Variants in SYT1 observed in about 807,000 individuals in gnomAD.
SYT1 encodes synaptotagmin-1.
A neutral mutation model predicts 44.8 loss-of-function variants in SYT1; 8 were observed. That is an observed-to-expected ratio of 0.18 (90% CI 0.10 to 0.32). SYT1 has a LOEUF of 0.32. SYT1 is among the 10% of genes least tolerant of loss of function. The probability of loss-of-function intolerance (pLI) is 1.00; values close to 1 mark genes in which losing one functional copy is unlikely to be tolerated. For missense variants in SYT1, 286 were observed against 509.3 expected (o/e 0.56, Z 4.22); for synonymous variants, 154 against 188.8 (o/e 0.82, Z 1.51).
chr12:79,023,509 A>G (rs1376570416), intron 2 of SYT1, among the ~76,000 whole-genome samples: 2 of 151,852 alleles, frequency 1.3e-5, no homozygotes, highest in African/African-American at 4.8e-5. Flanking sequence ...TGGGAGCTTC[A>G]TTGAGAGCAA....
intron 4 of SYT1, among the ~76,000 whole-genome samples, chr12:79,256,787 G>C (rs111765268): frequency 6.6e-6 from 1 of 152,120 alleles, no homozygotes; most frequent in Non-Finnish European, 1.5e-5. Flanking sequence ...ATTAATCCAT[G>C]TTTCTCATTT....
At chr12:79,195,498 A>G (rs1330154242) in intron 3 of SYT1, among the ~76,000 whole-genome samples, 1 of 128,210 alleles carries the variant, frequency 7.8e-6, no homozygotes, top group Non-Finnish European at 1.6e-5. Flanking sequence ...GAAAAAAGAG[A>G]GGTAACCCTG....
intron 1 of SYT1, among the ~76,000 whole-genome samples, chr12:78,902,800 G>C (rs986878938): frequency 6.6e-6 from 1 of 152,060 alleles, no homozygotes; most frequent in African/African-American, 2.4e-5. Flanking sequence ...ACTGTGTTTT[G>C]TTTGATCTTG....
In SYT1 at chr12:78,908,752, A is replaced by G. The variant is rs561913494; in HGVS notation, c.-217+43643A>G. Among the ~76,000 whole-genome samples the G allele has an allele frequency of 2.4e-4, 36 of 152,136 alleles. 1 individual carries two copies. In the South Asian group the frequency reaches 4.6e-3, roughly 19 times the overall value. ...GGAAATGAATAAAAAGAATTCATGG[A>G]AAGAGTCGGCAGAGTCCACTATTTT... On this transcript the variant is annotated intron_variant, in intron 1 of 10. Transcript: ENST00000261205.
chr12:79,340,564 T>G lies in SYT1; in HGVS notation c.811-12938T>G, dbSNP rs573132652. Among the ~76,000 whole-genome samples, 1,097 of 152,326 alleles carry G rather than the reference T, an allele frequency of 7.2e-3. 12 individuals are homozygous for G. The highest frequency in any genetic ancestry group is 0.012 in the Non-Finnish European group (809 of 68,020). ...GTTGCTTATCAGCTTAAGGAGATTT[T>G]GGGCTGAGACAATGGGGTTTTCTAA... On this transcript the variant is annotated intron_variant, in intron 8 of 10. Coordinates refer to ENST00000261205, the MANE Select transcript of SYT1 (RefSeq NM_005639.3).
chr12:79,147,284 A>G (rs1276904225), intron 3 of SYT1, among the ~76,000 whole-genome samples: 1 of 152,184 alleles, frequency 6.6e-6, no homozygotes, highest in East Asian at 1.9e-4. Context: ...TATAATATTT[A>G]TTCTTAGCTA....
chr12:79,338,793 T>C (rs570518718), intron 8 of SYT1, among the ~76,000 whole-genome samples: 1 of 151,994 alleles, frequency 6.6e-6, no homozygotes, highest in South Asian at 2.1e-4. Flanking sequence ...TTACATTAGG[T>C]ATTTCTCCTA....
intron 9 of SYT1, among the ~76,000 whole-genome samples, chr12:79,413,044 G>T (rs1177184587): frequency 6.6e-6 from 1 of 152,128 alleles, no homozygotes; most frequent in Non-Finnish European, 1.5e-5. Flanking sequence ...ACTAACTTCA[G>T]ACTGAAAGGA....
intron 1 of SYT1, among the ~76,000 whole-genome samples, chr12:78,917,557 A>G (rs1592557613): frequency 6.6e-6 from 1 of 151,908 alleles, no homozygotes; most frequent in South Asian, 2.1e-4. Flanking sequence ...ACAAGTATAC[A>G]TATGTAACAA....
chr12:79,344,421 C>T (rs1344753370), intron 8 of SYT1, among the ~76,000 whole-genome samples: 1 of 152,064 alleles, frequency 6.6e-6, no homozygotes, highest in African/African-American at 2.4e-5. Flanking sequence ...GTGCTCTTTC[C>T]ACCACTCTAT....
intron 1 of SYT1, among the ~76,000 whole-genome samples, chr12:78,880,536 T>G (rs1221840194): frequency 6.6e-6 from 1 of 151,608 alleles, no homozygotes; most frequent in Non-Finnish European, 1.5e-5. Flanking sequence ...CTTCCTGATC[T>G]CCGAATGCCT....
rs960664905 is a variant in SYT1, at chr12:79,368,011, G to A, written c.928+14392G>A. On this transcript the variant is annotated intron_variant, in intron 9 of 10. Coordinates refer to ENST00000261205, the MANE Select transcript of SYT1 (RefSeq NM_005639.3). ...GCTGGTGTGCTGCACCCATTAACCC[G>A]TCATTTAGCATTAGGTATATCTCCT... is the stretch of plus-strand genomic sequence containing the variant. Among the ~76,000 whole-genome samples, 13 of 151,488 alleles carry A rather than the reference G, an allele frequency of 8.6e-5. No homozygotes were observed. In the East Asian group the frequency reaches 1.2e-3, roughly 14 times the overall value.
At chr12:79,179,545 AGATATAG>A in intron 3 of SYT1, among the ~76,000 whole-genome samples, 1 of 92,986 alleles carries the variant, frequency 1.1e-5, no homozygotes, top group East Asian at 2.5e-4. Context: ...ATAGATATAG[AGATATAG>A]ATATAGATTT....
intron 1 of SYT1, among the ~76,000 whole-genome samples, chr12:78,971,700 G>A (rs576642222): frequency 6.6e-6 from 1 of 152,048 alleles, no homozygotes; most frequent in African/African-American, 2.4e-5. Flanking sequence ...TGTGATTCTA[G>A]AGGCAAATAA....
At chr12:78,910,758 G>A (rs773387411) in intron 1 of SYT1, among the ~76,000 whole-genome samples, 1 of 151,992 alleles carries the variant, frequency 6.6e-6, no homozygotes, top group Non-Finnish European at 1.5e-5. Flanking sequence ...AGAGCTCATA[G>A]TAAGGAAACT....
chr12:79,094,652 T>C (rs1008808541), intron 3 of SYT1, among the ~76,000 whole-genome samples: 2 of 151,948 alleles, frequency 1.3e-5, no homozygotes, highest in African/African-American at 4.8e-5. Context: ...TCAATATTAA[T>C]AGAAAAGACC....
chr12:79,020,121 T>G (rs1415554123), intron 2 of SYT1, among the ~76,000 whole-genome samples: 1 of 152,032 alleles, frequency 6.6e-6, no homozygotes, highest in Non-Finnish European at 1.5e-5. Flanking sequence ...ACAGCTTTTG[T>G]GACCTTGAAT....
At chr12:79,132,476 G>T (rs1868895190) in intron 3 of SYT1, among the ~76,000 whole-genome samples, 1 of 150,446 alleles carries the variant, frequency 6.6e-6, no homozygotes, top group Non-Finnish European at 1.5e-5. Flanking sequence ...AAATGGCCAA[G>T]TATATGAAAA....
chr12:79,372,852 G>A (rs139310772), intron 9 of SYT1, among the ~76,000 whole-genome samples: 5 of 145,036 alleles, frequency 3.4e-5, no homozygotes, highest in African/African-American at 8.3e-5. Context: ...CCATCAGCAC[G>A]CACTGTGCAC....
Sources: gnomAD v4.1 joint callset for allele counts (sites outside exome capture counted in the v4.1 genomes callset) on GRCh38, gnomAD v4.1.1 for gene constraint, MANE v1.5 for transcripts, NCBI Gene and HGNC (gene_info 2026-07-23, HGNC 2026-07-21) for gene names.